ABLIM1: variants seen among roughly 807,000 people sequenced by gnomAD.
The protein encoded by ABLIM1 is actin-binding LIM protein 1.
In ABLIM1, 40 loss-of-function variants were observed where a neutral mutation model predicts 107.0. The observed-to-expected ratio is 0.37, with a 90% CI of 0.29 to 0.49. The LOEUF (loss-of-function observed/expected upper bound fraction) is 0.49. Among genes scored for constraint, ABLIM1 ranks in the 20% least tolerant of loss-of-function variants. ABLIM1 has a pLI of 0.97. For synonymous variants in ABLIM1, 357 were observed against 357.3 expected (o/e 1.00, Z 0.01); for missense variants, 857 against 1,008.5 (o/e 0.85, Z 2.04).
At chr10:114,541,120 C>G (rs2066603970) in intron 6 of ABLIM1, among the ~76,000 whole-genome samples, 1 of 152,048 alleles carries the variant, frequency 6.6e-6, no homozygotes, top group African/African-American at 2.4e-5. Flanking sequence ...GAGGCTGCCA[C>G]AAGTCAAGCA....
At chr10:114,787,402 A>G in the ABLIM1 span, among the ~76,000 whole-genome samples, 15 of 134,076 alleles carry the variant, frequency 1.1e-4, no homozygotes, top group South Asian at 5.1e-4. Flanking sequence ...CGGGAGGGAG[A>G]TGGGGGGGTC....
At chr10:114,683,633 C>T (rs974957429) in intron 1 of ABLIM1, among the ~76,000 whole-genome samples, 8 of 152,252 alleles carry the variant, frequency 5.3e-5, no homozygotes, top group South Asian at 2.1e-4. Flanking sequence ...GAATTACCCA[C>T]GAGTCTACTC....
At chr10:114,684,902 T>A in exon 1 of ABLIM1, 1 of 218,890 alleles carries the variant, frequency 4.6e-6, no homozygotes, top group African/African-American at 2.3e-5. Flanking sequence ...TCTTCACTAC[T>A]AGAATTTTTA....
At chr10:114,462,921 C>G in intron 12 of ABLIM1, 1 of 1,080,912 alleles carries the variant, frequency 9.3e-7, no homozygotes, top group Non-Finnish European at 1.3e-6. Context: ...TCATGACACA[C>G]GCAGGCATGC....
rs75204388 is a variant in ABLIM1 at position 114,554,653 on chromosome 10, G to A, written c.674-6877C>T. Reference sequence around the variant, plus strand: ...CAAGGCTGTAGTGAGCTATAATCACGCTATTGCACTTCAGCCTGGGTGACA... The same window carrying A: ...CAAGGCTGTAGTGAGCTATAATCACACTATTGCACTTCAGCCTGGGTGACA... On this transcript the variant is annotated intron_variant, in intron 4 of 22. Transcript: ENST00000533213. Among the ~76,000 whole-genome samples the A allele has an allele frequency of 7.2e-5, 11 of 152,156 alleles. No individual in the cohort carries two copies. The East Asian group carries it at 1.5e-3, about 21-fold the overall frequency.
chr10:114,457,412 G>C (rs1002509380), intron 12 of ABLIM1, among the ~76,000 whole-genome samples: 25 of 152,074 alleles, frequency 1.6e-4, no homozygotes, highest in African/African-American at 5.8e-4. Context: ...TGGGATTACA[G>C]ACATGCGCCA....
At chr10:114,511,925 C>T (rs940750797) in intron 6 of ABLIM1, among the ~76,000 whole-genome samples, 3 of 152,224 alleles carry the variant, frequency 2.0e-5, no homozygotes, top group South Asian at 2.1e-4. Context: ...AACTTGAACA[C>T]GGTGGCATCA....
chr10:114,674,133 C>T (rs1178599578), intron 1 of ABLIM1, among the ~76,000 whole-genome samples: 1 of 151,460 alleles, frequency 6.6e-6, no homozygotes, highest in African/African-American at 2.4e-5. Flanking sequence ...ATACTAGAAA[C>T]ACAAAAATCA....
chr10:114,645,054 T>C (rs1255449450), intron 1 of ABLIM1, among the ~76,000 whole-genome samples: 1 of 152,130 alleles, frequency 6.6e-6, no homozygotes, highest in Non-Finnish European at 1.5e-5. Flanking sequence ...AAACAAAAGA[T>C]CCTCCATTAG....
chr10:114,469,226 C>A (rs1337079133), intron 10 of ABLIM1, among the ~76,000 whole-genome samples: 1 of 152,162 alleles, frequency 6.6e-6, no homozygotes, highest in East Asian at 1.9e-4. Context: ...TGGTTGTTGA[C>A]TAAATTACAA....
intron 4 of ABLIM1, among the ~76,000 whole-genome samples, chr10:114,564,611 C>T (rs1160711021): frequency 1.3e-5 from 2 of 152,116 alleles, no homozygotes; most frequent in Non-Finnish European, 2.9e-5. Context: ...CCATTTAGAC[C>T]GCCTTTCCAT....
chr10:114,453,546 G>T, intron 12 of ABLIM1, 63 bp from the exon 13 acceptor site: 1 of 1,352,844 alleles, frequency 7.4e-7, no homozygotes, highest in Non-Finnish European at 9.9e-7. Context: ...AGAAAACAAA[G>T]CAAGTGTAAT....
the ABLIM1 span, among the ~76,000 whole-genome samples, chr10:114,773,127 GAAAC>G: frequency 7.2e-5 from 11 of 151,906 alleles, no homozygotes; most frequent in African/African-American, 2.4e-5. Flanking sequence ...GGAGTCCTAA[GAAAC>G]AATTTTAAAA....
chr10:114,512,044 C>T (rs1274221906), intron 6 of ABLIM1, among the ~76,000 whole-genome samples: 2 of 152,158 alleles, frequency 1.3e-5, no homozygotes, highest in Non-Finnish European at 2.9e-5. Context: ...TCCTTCTGTC[C>T]AATTAGGACA....
At chr10:114,566,001 T>C (rs1430590167) in intron 4 of ABLIM1, among the ~76,000 whole-genome samples, 1 of 152,092 alleles carries the variant, frequency 6.6e-6, no homozygotes, top group Non-Finnish European at 1.5e-5. Context: ...TTCACCGTGT[T>C]AGCCAGGATG....
At chr10:114,524,916 T>TCCTG (rs1301349651) in intron 6 of ABLIM1, among the ~76,000 whole-genome samples, 1 of 152,248 alleles carries the variant, frequency 6.6e-6, no homozygotes, top group East Asian at 1.9e-4. Context: ...AAAACACCTG[T>TCCTG]CCTGCCACTG....
intron 1 of ABLIM1, among the ~76,000 whole-genome samples, chr10:114,626,540 T>C (rs527292859): frequency 6.6e-6 from 1 of 152,180 alleles, no homozygotes; most frequent in African/African-American, 2.4e-5. Flanking sequence ...ACTGAGCTCA[T>C]CTCCTTCCTC....
intron 12 of ABLIM1, among the ~76,000 whole-genome samples, chr10:114,455,105 C>T (rs188647113): frequency 9.2e-5 from 14 of 152,042 alleles, no homozygotes; most frequent in South Asian, 6.2e-4. Context: ...CAATTGTTAC[C>T]GTTTGAATAT....
At chr10:114,778,606 CACACACAT>C in the ABLIM1 span, 247 of 144,500 alleles carry the variant, frequency 1.7e-3, 2 homozygotes, top group African/African-American at 6.7e-3. Flanking sequence ...CACACACACA[CACACACAT>C]ACATTTTAAC....
Sources: allele counts gnomAD v4.1 joint callset (sites outside exome capture counted in the v4.1 genomes callset), GRCh38; gene constraint gnomAD v4.1.1; transcripts MANE v1.5; gene names NCBI Gene and HGNC (gene_info 2026-07-23, HGNC 2026-07-21).